DENND4B: variants seen among roughly 807,000 people sequenced by gnomAD.
DENND4B encodes the protein DENN domain-containing protein 4B.
Under a neutral mutation model 161.0 loss-of-function variants are expected in DENND4B, and 67 were observed. The ratio of observed to expected loss-of-function variants is 0.42; its 90% CI spans 0.34 to 0.51. The LOEUF is 0.51. Among genes scored for constraint, DENND4B ranks in the 20% least tolerant of loss-of-function variants. The pLI, the probability that DENND4B is intolerant of heterozygous loss-of-function variation, is 0.08. For synonymous variants in DENND4B, 753 were observed against 813.8 expected (o/e 0.93, Z 1.27); for missense variants, 1,481 against 1,968.0 (o/e 0.75, Z 4.68).
chr1:153,934,347 C>T lies in DENND4B; in HGVS notation c.2774-45G>A. On this transcript the variant is annotated intron_variant, in intron 18 of 27. Transcript: ENST00000361217. The surrounding 1 kb of genome is among the most constrained non-coding windows in gnomAD (Gnocchi z 5.3). ...GTTTAGAGGCGGCCAGCTAGGAACCCAGTCCCCTGTTCCAAAATAGAGCTC... is the reference window on the plus strand; with the variant it reads ...GTTTAGAGGCGGCCAGCTAGGAACCTAGTCCCCTGTTCCAAAATAGAGCTC... 1 of 1,529,990 alleles carries T rather than the reference C, an allele frequency of 6.5e-7. No homozygotes were observed. The highest frequency in any genetic ancestry group is 8.7e-7 in the Non-Finnish European group (1 of 1,144,610). 94.8% of individuals were successfully genotyped at this position (1,529,990 alleles called of 1,614,324 possible).
Position 153,932,948 on chromosome 1 carries a change from T to G in DENND4B, c.3536A>C (p.Asp1179Ala). The G allele has an allele frequency of 6.2e-7, 1 of 1,613,950 alleles. No homozygotes were observed. The highest frequency in any genetic ancestry group is 8.5e-7 in the Non-Finnish European group (1 of 1,179,864). The change falls in exon 22 of 28, where the codon GAT becomes GCT. Residue 1179 changes from aspartate to alanine, a missense_variant. Asp to Ala is a moderately radical substitution (Grantham distance 126). This residue lies in a region of DENND4B where 336 missense variants were observed against 503.3 expected (regional missense o/e 0.67). Coordinates refer to ENST00000361217, the MANE Select transcript of DENND4B (RefSeq NM_014856.3). The surrounding 1 kb of genome is among the most constrained non-coding windows in gnomAD (Gnocchi z 5.8). The part of the protein sequence containing the change: ...DEEIMAGWAP[D>A]DSNLNTTCPF... ...GCAGGTTGTGTTGAGGTTAGAGTCA[T>G]CAGGTGCCCAGCCAGCCATGATTTC...
At position 153,942,663 on chromosome 1, in the gene DENND4B, C is replaced by A; in HGVS notation, c.571-38G>T. On this transcript the variant is annotated intron_variant, in intron 3 of 27. Transcript: ENST00000361217. The surrounding 1 kb of genome is among the most constrained non-coding windows in gnomAD (Gnocchi z 6.9). ...TGGCAAGAGACAAGCAGATACATAG[C>A]TAACAAAGGTTTCTGGGGTCCACTT... 8 of 1,545,698 alleles carry A rather than the reference C, an allele frequency of 5.2e-6. No individual in the cohort carries two copies. Among genetic ancestry groups the A allele is most frequent in the Non-Finnish European group, 7.0e-6 (8 of 1,148,476 alleles).
chr1:153,942,587 C>T lies in DENND4B; in HGVS notation c.609G>A (p.Leu203=). The change falls in exon 4 of 28, where the codon CTG becomes CTA. Residue 203 remains leucine (L), a synonymous_variant. Transcript: ENST00000361217. This position sits in a 1 kb window ranked among gnomAD's most constrained non-coding sequence, Gnocchi z 6.9. ...CGTACACCAGCGTGTTGGCCTTCGC[C>T]AGGCCCACCTTATAGCACAGGTACA... ...PAVYLCYKVG[L]AKANTLVYEA... 6.3e-7 allele frequency: 1 copy of T among 1,599,416 alleles called. No individual in the cohort carries two copies. The highest frequency in any genetic ancestry group is 8.5e-7 in the Non-Finnish European group (1 of 1,172,808).
chr1:153,935,344 T>C (rs1679270226), intron 17 of DENND4B: 1 of 199,446 alleles, frequency 5.0e-6, no homozygotes, highest in Non-Finnish European at 1.0e-5. Context: ...CCTCTGCCCA[T>C]ATTCTTTTTT....
chr1:153,937,474 C>A lies in DENND4B; in HGVS notation c.2232+14G>T. On this transcript the variant is annotated intron_variant, in intron 15 of 27. Coordinates refer to ENST00000361217, the MANE Select transcript of DENND4B (RefSeq NM_014856.3). This position sits in a 1 kb window ranked among gnomAD's most constrained non-coding sequence, Gnocchi z 4.7. The stretch of plus-strand genomic sequence containing the variant: ...CTGATCCGGGTCCCTCAGTGCGGTC[C>A]ACCCACTGCTTACCTGTTTGGTACG... 1 of 1,531,934 alleles carries A rather than the reference C, an allele frequency of 6.5e-7. No individual in the cohort carries two copies. The highest frequency in any genetic ancestry group is 8.8e-7 in the Non-Finnish European group (1 of 1,137,868). 94.9% of individuals were successfully genotyped at this position (1,531,934 alleles called of 1,614,324 possible). A position where few individuals can be genotyped will look rare whatever the true frequency, so the allele number is the denominator to read the frequency against.
In DENND4B at chr1:153,946,351, C is replaced by A; in HGVS notation, c.-74G>T. 2.7e-6 allele frequency: 1 copy of A among 373,844 alleles called. No individual in the cohort carries two copies. Among genetic ancestry groups the A allele is most frequent in the Non-Finnish European group, 4.8e-6 (1 of 209,994 alleles). The allele number at this position is 373,844 out of a possible 1,614,324, so 23.2% of individuals were successfully genotyped here. A position where few individuals can be genotyped will look rare whatever the true frequency, so the allele number is the denominator to read the frequency against. ...GCCCGCTGGCGGGTGGCTCGGAGGG[C>A]GAGCTGGCGGGCCGGCGGGCGGCGG... On this transcript the variant is annotated 5_prime_UTR_variant, in exon 1 of 28. Transcript: ENST00000361217. This position sits in a 1 kb window ranked among gnomAD's most constrained non-coding sequence, Gnocchi z 6.3.
rs1557843428 is a variant in DENND4B at position 153,930,592 on chromosome 1, C to T, written c.4292G>A (p.Arg1431His). The change falls in exon 27 of 28, where the codon CGT becomes CAT. Residue 1431 changes from arginine to histidine, a missense_variant. Physicochemically the swap from Arg to His is conservative, Grantham distance 29. Around this residue, in one of 3 missense-constraint regions of DENND4B, gnomAD observed 336 missense variants for 503.3 expected, o/e 0.67. Coordinates refer to ENST00000361217, the MANE Select transcript of DENND4B (RefSeq NM_014856.3). This position sits in a 1 kb window ranked among gnomAD's most constrained non-coding sequence, Gnocchi z 4.7. ...TGLHLQRGIY[R>H]EILFLTMAAL... is the part of the protein sequence containing the mutation. Reference sequence around the variant, plus strand: ...AGCCATTGTCAGGAATAATATCTCACGGTAGATTCCCCTTTAGTGGAGGCA... The same window carrying T: ...AGCCATTGTCAGGAATAATATCTCATGGTAGATTCCCCTTTAGTGGAGGCA... 9 of 1,613,994 alleles carry T rather than the reference C, an allele frequency of 5.6e-6. No individual in the cohort carries two copies. Among genetic ancestry groups the T allele is most frequent in the Non-Finnish European group, 7.6e-6 (9 of 1,179,874 alleles).
chr1:153,936,073 C>A lies in DENND4B; in HGVS notation c.2555G>T (p.Gly852Val), dbSNP rs1474410048. 3 of 1,612,994 alleles carry A rather than the reference C, an allele frequency of 1.9e-6. No individual in the cohort carries two copies. Among genetic ancestry groups the A allele is most frequent in the African/African-American group, 2.7e-5 (2 of 74,864 alleles). ...AGIVPNTITY[G>V]YYNKAVLESK... ...CAAAGTAGGTACCTTATTGTAGTAGCCATAGGTGATGGTGTTGGGCACAAT... is the reference window on the plus strand; with the variant it reads ...CAAAGTAGGTACCTTATTGTAGTAGACATAGGTGATGGTGTTGGGCACAAT... The change falls in exon 17 of 28, where the codon GGC becomes GTC. Residue 852 changes from glycine to valine, a missense_variant. By Grantham distance (109) the Gly-to-Val change is moderately radical. Around this residue, in one of 3 missense-constraint regions of DENND4B, gnomAD observed 806 missense variants for 1,134.4 expected, o/e 0.71. Coordinates refer to ENST00000361217, the MANE Select transcript of DENND4B (RefSeq NM_014856.3). This position sits in a 1 kb window ranked among gnomAD's most constrained non-coding sequence, Gnocchi z 4.1.
chr1:153,942,702 C>T lies in DENND4B; in HGVS notation c.571-77G>A. 1 of 1,489,698 alleles carries T rather than the reference C, an allele frequency of 6.7e-7. No homozygotes were observed. The highest frequency in any genetic ancestry group is 8.9e-7 in the Non-Finnish European group (1 of 1,118,254). 92.3% of individuals were successfully genotyped at this position (1,489,698 alleles called of 1,614,324 possible). A position where few individuals can be genotyped will look rare whatever the true frequency, so the allele number is the denominator to read the frequency against. ...TGGGGTCCACTTTCTCTCTACCACC[C>T]CTAAATGTTCTTTTGTCTTTAAAGC... On this transcript the variant is annotated intron_variant, in intron 3 of 27. Coordinates refer to ENST00000361217, the MANE Select transcript of DENND4B (RefSeq NM_014856.3). This position sits in a 1 kb window ranked among gnomAD's most constrained non-coding sequence, Gnocchi z 6.9.
chr1:153,932,496 C>G lies in DENND4B; in HGVS notation c.3760-56G>C, dbSNP rs1207746924. The G allele has an allele frequency of 1.9e-6, 3 of 1,556,948 alleles. No individual in the cohort carries two copies. In the Admixed American group the frequency reaches 5.7e-5, roughly 30 times the overall value. On this transcript the variant is annotated intron_variant, in intron 23 of 27. Transcript: ENST00000361217. The surrounding 1 kb of genome is among the most constrained non-coding windows in gnomAD (Gnocchi z 5.8). ...GGGCATGTACATCCCCAGAGCCTTGCCTCCCACTGAGCCACCACATCCAAC... is the reference window on the plus strand; with the variant it reads ...GGGCATGTACATCCCCAGAGCCTTGGCTCCCACTGAGCCACCACATCCAAC...
chr1:153,930,297 C>T lies in DENND4B; in HGVS notation c.4491G>A (p.Ter1497=). ...GGCTGGAGAGGGAAGCTTAAGGTCTCTAGCATTCTGGAGGTGCTCCAAAAC... is the reference window on the plus strand; with the variant it reads ...GGCTGGAGAGGGAAGCTTAAGGTCTTTAGCATTCTGGAGGTGCTCCAAAAC... ...RKCFGAPPEC[*] is the part of the protein sequence containing the mutation. Residue 1497 remains the stop codon, a stop_retained_variant, in exon 28 of 28, where the codon TAG becomes TAA. Coordinates refer to ENST00000361217, the MANE Select transcript of DENND4B (RefSeq NM_014856.3). The surrounding 1 kb of genome is among the most constrained non-coding windows in gnomAD (Gnocchi z 4.7). 6.2e-7 allele frequency: 1 copy of T among 1,613,440 alleles called. No homozygotes were observed. Among genetic ancestry groups the T allele is most frequent in the Non-Finnish European group, 8.5e-7 (1 of 1,179,442 alleles).
In DENND4B at chr1:153,940,813, A is replaced by G. The variant is rs1401467557; in HGVS notation, c.1326+91T>C. On this transcript the variant is annotated intron_variant, in intron 9 of 27. Coordinates refer to ENST00000361217, the MANE Select transcript of DENND4B (RefSeq NM_014856.3). This position sits in a 1 kb window ranked among gnomAD's most constrained non-coding sequence, Gnocchi z 5.6. Reference sequence around the variant, plus strand: ...GGAAAGGGGCTGAGGATCCTCCACAAGGAAGGAAAAGGGAAGAGTCCAGGC... The same window carrying G: ...GGAAAGGGGCTGAGGATCCTCCACAGGGAAGGAAAAGGGAAGAGTCCAGGC... 2.7e-6 allele frequency: 4 copies of G among 1,482,818 alleles called. No individual in the cohort carries two copies. Among genetic ancestry groups the G allele is most frequent in the Non-Finnish European group, 3.6e-6 (4 of 1,117,984 alleles). 91.9% of individuals were successfully genotyped at this position (1,482,818 alleles called of 1,614,324 possible). A position where few individuals can be genotyped will look rare whatever the true frequency, so the allele number is the denominator to read the frequency against.
chr1:153,936,441 C>G lies in DENND4B; in HGVS notation c.2439+101G>C, dbSNP rs938280164. 29 of 1,345,018 alleles carry G rather than the reference C, an allele frequency of 2.2e-5. No homozygotes were observed. The highest frequency in any genetic ancestry group is 2.6e-5 in the Non-Finnish European group (26 of 997,270). The allele number at this position is 1,345,018 out of a possible 1,614,324, so 83.3% of individuals were successfully genotyped here. A position where few individuals can be genotyped will look rare whatever the true frequency, so the allele number is the denominator to read the frequency against. On this transcript the variant is annotated intron_variant, in intron 16 of 27. Coordinates refer to ENST00000361217, the MANE Select transcript of DENND4B (RefSeq NM_014856.3). This position sits in a 1 kb window ranked among gnomAD's most constrained non-coding sequence, Gnocchi z 4.1. ...TCTGCCCAGCTCTGGGGCTCTGCAA[C>G]TTCTTTCCTTAGTCTCCACCAAGTT...
At position 153,937,952 on chromosome 1, in the gene DENND4B, C is replaced by T. The variant is rs1679442370; in HGVS notation, c.1966-89G>A. 2 of 1,570,804 alleles carry T rather than the reference C, an allele frequency of 1.3e-6. No individual in the cohort carries two copies. The highest frequency in any genetic ancestry group is 1.7e-5 in the Admixed American group (1 of 57,608). On this transcript the variant is annotated intron_variant, in intron 13 of 27. Transcript: ENST00000361217. This position sits in a 1 kb window ranked among gnomAD's most constrained non-coding sequence, Gnocchi z 4.7. ...TAGACGATGGCATCTCCCAGGAAAG[C>T]TCATCCACAAGGAAAGAGACACAGC... is the stretch of plus-strand genomic sequence containing the variant.
rs1302185461 is a variant in DENND4B, at chr1:153,932,447, G to C, written c.3760-7C>G. 1.3e-6 allele frequency: 2 copies of C among 1,599,432 alleles called. No individual in the cohort carries two copies. Among genetic ancestry groups the C allele is most frequent in the Admixed American group, 1.7e-5 (1 of 57,324 alleles). The stretch of plus-strand genomic sequence containing the variant: ...CAACCCGCCGGGAGGCTCCCTATCA[G>C]GCACAAAGGGGGAGGGCAGTAGAGG... On this transcript the variant is annotated splice_polypyrimidine_tract_variant and splice_region_variant and intron_variant, in intron 23 of 27. Transcript: ENST00000361217. The surrounding 1 kb of genome is among the most constrained non-coding windows in gnomAD (Gnocchi z 5.8).
chr1:153,941,009 A>G lies in DENND4B; in HGVS notation c.1221T>C (p.Pro407=), dbSNP rs1461931107. Residue 407 remains proline (P), a synonymous_variant, in exon 9 of 28, where the codon CCT becomes CCC. Coordinates refer to ENST00000361217, the MANE Select transcript of DENND4B (RefSeq NM_014856.3). ...CCAGCAGCAGTGTGATAGCCAGCTC[A>G]GGGCCCAGGCTCTGCAGCAGCTGCA... ...SFLQLLQSLG[P]ELAITLLLAV... 6.4e-7 allele frequency: 1 copy of G among 1,573,804 alleles called. No individual in the cohort carries two copies. The highest frequency in any genetic ancestry group is 1.2e-5 in the South Asian group (1 of 86,174).
rs754659759 is a variant in DENND4B, at chr1:153,932,868, G to T, written c.3616C>A (p.Arg1206=). Residue 1206 remains arginine, a synonymous_variant, in exon 22 of 28, where the codon CGG becomes AGG. Transcript: ENST00000361217. This position sits in a 1 kb window ranked among gnomAD's most constrained non-coding sequence, Gnocchi z 5.8. ...PLLSVQTLDS[R]PSVPSPKSAG... Reference sequence around the variant, plus strand: ...TTGCCCTGCCTTGGGCACCTGGGCCGGGAATCAAGGGTCTGGACACTGAGC... The same window carrying T: ...TTGCCCTGCCTTGGGCACCTGGGCCTGGAATCAAGGGTCTGGACACTGAGC... 1.2e-5 allele frequency: 19 copies of T among 1,613,798 alleles called. No individual in the cohort carries two copies. The highest frequency in any genetic ancestry group is 1.5e-5 in the Non-Finnish European group (18 of 1,179,850).
At position 153,933,115 on chromosome 1, in the gene DENND4B, T is replaced by A; in HGVS notation, c.3453+82A>T. On this transcript the variant is annotated intron_variant, in intron 21 of 27. Transcript: ENST00000361217. This position sits in a 1 kb window ranked among gnomAD's most constrained non-coding sequence, Gnocchi z 5.7. ...TGCCCCTTCCCCAGCCCCTCCCACCTCCTCCCCATCTCCTGCCTTGGACAG... is the reference window on the plus strand; with the variant it reads ...TGCCCCTTCCCCAGCCCCTCCCACCACCTCCCCATCTCCTGCCTTGGACAG... 1 of 1,609,420 alleles carries A rather than the reference T, an allele frequency of 6.2e-7. No individual in the cohort carries two copies. The highest frequency in any genetic ancestry group is 1.1e-5 in the South Asian group (1 of 90,874).
In DENND4B at chr1:153,930,393, G is replaced by A; in HGVS notation, c.4395C>T (p.Ser1465=). The A allele has an allele frequency of 3.1e-6, 5 of 1,614,030 alleles. No homozygotes were observed. Among genetic ancestry groups the A allele is most frequent in the Non-Finnish European group, 4.2e-6 (5 of 1,179,894 alleles). Residue 1465 remains serine (S), a synonymous_variant, in exon 28 of 28, where the codon AGC becomes AGT. Coordinates refer to ENST00000361217, the MANE Select transcript of DENND4B (RefSeq NM_014856.3). This position sits in a 1 kb window ranked among gnomAD's most constrained non-coding sequence, Gnocchi z 4.7. ...GGTGCCTCAGCTCCTCCTTGCCCAT[G>A]CTGCTGGCCAGCTTGTTAAAGGCAG... The part of the protein sequence containing the change: ...YKSAFNKLAS[S]MGKEELRHRR...
Sources: allele counts gnomAD v4.1 joint callset, GRCh38; gene constraint gnomAD v4.1.1; regional missense constraint gnomAD v4.1.1; non-coding constraint Gnocchi (gnomAD v3.1); transcripts MANE v1.5; gene names NCBI Gene and HGNC (gene_info 2026-07-23, HGNC 2026-07-21).